CORO2B: variants seen among roughly 807,000 people sequenced by gnomAD.
CORO2B encodes the protein coronin 2B.
In CORO2B, 26 loss-of-function variants were observed where a neutral mutation model predicts 58.8. That is an observed-to-expected ratio of 0.44 (90% CI 0.32 to 0.61). The LOEUF (loss-of-function observed/expected upper bound fraction) is 0.61, where lower values mean the gene tolerates loss of function less well. CORO2B is among the 20% of genes least tolerant of loss of function. The pLI, the probability that CORO2B is intolerant of heterozygous loss-of-function variation, is 0.04. For missense variants in CORO2B, 460 were observed against 645.1 expected (o/e 0.71, Z 3.11); for synonymous variants, 242 against 253.8 (o/e 0.95, Z 0.44).
chr15:68,521,536 T>C, the CORO2B span, among the ~76,000 whole-genome samples: 1 of 152,220 alleles, frequency 6.6e-6, no homozygotes, highest in South Asian at 2.1e-4. Context: ...CTTCTTACAT[T>C]TCCTTTTTTG....
In CORO2B at chr15:68,726,060, CAG is replaced by C; in HGVS notation, c.*89_*90del. The C allele has an allele frequency of 6.4e-7, 1 of 1,562,060 alleles. No homozygotes were observed. Among genetic ancestry groups the C allele is most frequent in the South Asian group, 1.1e-5 (1 of 87,266 alleles). On this transcript the variant is annotated 3_prime_UTR_variant, in exon 12 of 12. Coordinates refer to ENST00000261861, the MANE Select transcript of CORO2B (RefSeq NM_006091.5). ...TCTCCCTTACCAGTGACCCCAGAGA[CAG>C]AGCCAGGACAGGAGTGGGGGCCAGC...
rs1473570154 is a variant in CORO2B at position 68,643,273 on chromosome 15, C to T, written c.16-1887C>T. Among the ~76,000 whole-genome samples the T allele has an allele frequency of 2.0e-5, 3 of 150,882 alleles. No individual in the cohort carries two copies. In the East Asian group the frequency reaches 5.9e-4, roughly 29 times the overall value. ...CTTGGGGAAGGGAGAGCCTTGCCTGCAGTCACATAGTCAGCTTGGGGAGGG... is the reference window on the plus strand; with the variant it reads ...CTTGGGGAAGGGAGAGCCTTGCCTGTAGTCACATAGTCAGCTTGGGGAGGG... On this transcript the variant is annotated intron_variant, in intron 1 of 11. Transcript: ENST00000261861.
At chr15:68,539,333 C>A in the CORO2B span, among the ~76,000 whole-genome samples, 1 of 152,174 alleles carries the variant, frequency 6.6e-6, no homozygotes, top group South Asian at 2.1e-4. Flanking sequence ...AAATTTGGAA[C>A]TGAGAGTCAG....
chr15:68,706,987 GACTC>G (rs1168596135), intron 3 of CORO2B, among the ~76,000 whole-genome samples: 1 of 152,022 alleles, frequency 6.6e-6, no homozygotes, highest in African/African-American at 2.4e-5. Flanking sequence ...TTGAGACAGA[GACTC>G]ACTCTGTCGC....
the CORO2B span, among the ~76,000 whole-genome samples, chr15:68,556,074 G>T: frequency 6.6e-6 from 1 of 152,254 alleles, no homozygotes; most frequent in Non-Finnish European, 1.5e-5. Context: ...TCAGGATAAG[G>T]TGGGGTGAGG....
At chr15:68,596,763 A>G (rs1899840426) in intron 1 of CORO2B, among the ~76,000 whole-genome samples, 1 of 152,186 alleles carries the variant, frequency 6.6e-6, no homozygotes, top group Non-Finnish European at 1.5e-5. Context: ...ACAACACAGC[A>G]GGCAGAGTCT....
chr15:68,697,936 C>A (rs904373674), intron 3 of CORO2B, among the ~76,000 whole-genome samples: 3 of 152,208 alleles, frequency 2.0e-5, no homozygotes, highest in Admixed American at 6.5e-5. Context: ...GTGACCACAG[C>A]TGGCTCCGTC....
intron 1 of CORO2B, among the ~76,000 whole-genome samples, chr15:68,612,154 T>G (rs1357300080): frequency 1.3e-5 from 2 of 152,180 alleles, no homozygotes; most frequent in Non-Finnish European, 2.9e-5. Flanking sequence ...TTCCCAGGAA[T>G]AGATAAAATG....
chr15:68,716,471 G>A (rs115447351), intron 8 of CORO2B, among the ~76,000 whole-genome samples: 17 of 152,320 alleles, frequency 1.1e-4, no homozygotes, highest in African/African-American at 4.1e-4. Flanking sequence ...CAGACCCTGC[G>A]CGAAGTCCAG....
intron 1 of CORO2B, among the ~76,000 whole-genome samples, chr15:68,587,049 TACACACACACACACAC>T (rs58729813): frequency 1.4e-4 from 8 of 57,888 alleles, no homozygotes; most frequent in African/African-American, 3.6e-4. Context: ...GAGATATGTA[TACACACACACACACAC>T]ACACACACAC....
chr15:68,672,512 C>G (rs979340436), intron 2 of CORO2B, among the ~76,000 whole-genome samples: 1 of 152,192 alleles, frequency 6.6e-6, no homozygotes, highest in South Asian at 2.1e-4. Context: ...CTCCTGGACT[C>G]TAGCAATTCT....
intron 1 of CORO2B, among the ~76,000 whole-genome samples, chr15:68,632,878 C>T (rs1900889342): frequency 6.6e-6 from 1 of 152,220 alleles, no homozygotes; most frequent in South Asian, 2.1e-4. Flanking sequence ...AGGCGTGAGC[C>T]ACCACACCCG....
At chr15:68,600,829 C>T (rs533272144) in intron 1 of CORO2B, among the ~76,000 whole-genome samples, 113 of 152,324 alleles carry the variant, frequency 7.4e-4, no homozygotes, top group South Asian at 4.6e-3. Context: ...TGGTCCCCCA[C>T]GGGGAGACAA....
intron 2 of CORO2B, among the ~76,000 whole-genome samples, chr15:68,690,946 A>G (rs540036493): frequency 6.0e-5 from 9 of 150,832 alleles, no homozygotes; most frequent in Non-Finnish European, 1.3e-4. Flanking sequence ...GGTGTGAGCC[A>G]CTGTGCCTAG....
At chr15:68,616,353 C>T (rs775499941) in intron 1 of CORO2B, among the ~76,000 whole-genome samples, 3 of 152,182 alleles carry the variant, frequency 2.0e-5, no homozygotes, top group Non-Finnish European at 4.4e-5. Flanking sequence ...CTAGTTTCTT[C>T]TCAGAAAAGT....
At chr15:68,679,576 C>A (rs1436259039) in intron 2 of CORO2B, among the ~76,000 whole-genome samples, 1 of 152,198 alleles carries the variant, frequency 6.6e-6, no homozygotes, top group Non-Finnish European at 1.5e-5. Context: ...TTCTGTGGTG[C>A]CAGGCCCCGT....
In CORO2B at chr15:68,715,815, G is replaced by A. The variant is rs942061342; in HGVS notation, c.967+504G>A. Among the ~76,000 whole-genome samples the A allele has an allele frequency of 4.6e-5, 7 of 152,162 alleles. No individual in the cohort carries two copies. In the South Asian group the frequency reaches 8.3e-4, roughly 18 times the overall value. ...CCAGAGAGGGCTCTGGGATTGACAGGGTGTAGTGAGTGAGACCCCACATTC... is the reference window on the plus strand; with the variant it reads ...CCAGAGAGGGCTCTGGGATTGACAGAGTGTAGTGAGTGAGACCCCACATTC... On this transcript the variant is annotated intron_variant, in intron 8 of 11. Transcript: ENST00000261861.
intron 3 of CORO2B, among the ~76,000 whole-genome samples, chr15:68,697,241 G>A (rs527821675): frequency 2.9e-4 from 44 of 152,266 alleles, no homozygotes; most frequent in African/African-American, 9.1e-4. Flanking sequence ...TGGATGGATG[G>A]ATTGTTGGGT....
intron 2 of CORO2B, among the ~76,000 whole-genome samples, chr15:68,681,068 C>G (rs1902762734): frequency 6.6e-6 from 1 of 152,148 alleles, no homozygotes; most frequent in Non-Finnish European, 1.5e-5. Flanking sequence ...CAAAAATTAG[C>G]CGGGCATGAT....
Sources: gnomAD v4.1 joint callset for allele counts (sites outside exome capture counted in the v4.1 genomes callset) on GRCh38, gnomAD v4.1.1 for gene constraint, MANE v1.5 for transcripts, NCBI Gene and HGNC (gene_info 2026-07-23, HGNC 2026-07-21) for gene names.